The following FHIT variants were observed in gnomAD, a reference collection of about 807,000 sequenced individuals.
FHIT encodes bis(5'-adenosyl)-triphosphatase.
Under a neutral mutation model 17.9 loss-of-function variants are expected in FHIT, and 19 were observed. That is an observed-to-expected ratio of 1.06 (90% CI 0.74 to 1.56). FHIT has a LOEUF of 1.56. FHIT is among the 40% of genes most tolerant of loss of function. The pLI is 0.00. For synonymous variants in FHIT, 81 were observed against 69.7 expected (o/e 1.16, Z -0.81); for missense variants, 248 against 189.2 (o/e 1.31, Z -1.82).
intron 5 of FHIT, among the ~76,000 whole-genome samples, chr3:60,316,831 A>G (rs1709184866): frequency 2.0e-5 from 3 of 152,184 alleles, no homozygotes; most frequent in Admixed American, 2.0e-4. Context: ...CACACACTCA[A>G]TATTTTGATT....
At chr3:60,868,925 T>A (rs1704278104) in intron 3 of FHIT, among the ~76,000 whole-genome samples, 1 of 152,126 alleles carries the variant, frequency 6.6e-6, no homozygotes, top group Admixed American at 6.6e-5. Context: ...AAGAGGAGGC[T>A]TCTGAGAAAC....
At chr3:61,112,148 T>C (rs1399130585) in intron 2 of FHIT, among the ~76,000 whole-genome samples, 1 of 152,220 alleles carries the variant, frequency 6.6e-6, no homozygotes, top group East Asian at 1.9e-4. Context: ...TTAAGCAGTA[T>C]ATATTATGCA....
At chr3:60,890,621 G>A (rs1479895667) in intron 3 of FHIT, among the ~76,000 whole-genome samples, 2 of 152,200 alleles carry the variant, frequency 1.3e-5, no homozygotes, top group Non-Finnish European at 2.9e-5. Context: ...TTCTGTGCAA[G>A]TAGTCCCTCT....
intron 5 of FHIT, among the ~76,000 whole-genome samples, chr3:60,199,766 C>G (rs1297791757): frequency 3.3e-5 from 5 of 152,016 alleles, no homozygotes; most frequent in African/African-American, 1.2e-4. Flanking sequence ...CAAAAGCACT[C>G]AAGGATAAAG....
chr3:59,933,743 C>G (rs1445447891), intron 7 of FHIT, among the ~76,000 whole-genome samples: 3 of 152,128 alleles, frequency 2.0e-5, no homozygotes, highest in Admixed American at 1.3e-4. Flanking sequence ...CTCCTAAGTT[C>G]TGCTGTGGAC....
chr3:61,062,873 T>C (rs951463630), intron 2 of FHIT, among the ~76,000 whole-genome samples: 15 of 152,204 alleles, frequency 9.9e-5, no homozygotes, highest in African/African-American at 3.6e-4. Context: ...ACATAGTTGC[T>C]ATTCATCAGC....
Position 59,994,316 on chromosome 3 carries a change from G to A in FHIT, c.279+17055C>T, listed in dbSNP as rs1341241739. 5.3e-5 allele frequency among the ~76,000 whole-genome samples: 8 copies of A among 152,042 alleles called. No homozygotes were observed. The South Asian group carries it at 8.3e-4, about 16-fold the overall frequency. On this transcript the variant is annotated intron_variant, in intron 7 of 9. Transcript: ENST00000492590. ...GTAAAAAGCAGGTAACCACCAACCC[G>A]TTTAGGGAAGGTGCATAAACCTCTG...
At chr3:60,594,344 G>A (rs1435852909) in intron 4 of FHIT, among the ~76,000 whole-genome samples, 3 of 152,238 alleles carry the variant, frequency 2.0e-5, no homozygotes, top group Non-Finnish European at 4.4e-5. Flanking sequence ...AATGGACAGT[G>A]TCCAGACTAT....
chr3:61,058,641 C>T (rs1288248994), intron 2 of FHIT, among the ~76,000 whole-genome samples: 1 of 152,194 alleles, frequency 6.6e-6, no homozygotes, highest in Non-Finnish European at 1.5e-5. Flanking sequence ...TCCTCTTCAC[C>T]TTCTACCTGA....
chr3:60,698,335 C>T (rs945907796), intron 4 of FHIT, among the ~76,000 whole-genome samples: 10 of 152,004 alleles, frequency 6.6e-5, no homozygotes, highest in African/African-American at 1.9e-4. Flanking sequence ...ATAAAAGAGG[C>T]GTTTCAGGAA....
rs920653200 is a variant in FHIT, at chr3:60,150,200, T to C, written c.104-136048A>G. Among the ~76,000 whole-genome samples, 33 of 152,006 alleles carry C rather than the reference T, an allele frequency of 2.2e-4. 1 individual carries two copies. Among genetic ancestry groups the C allele is most frequent in the Non-Finnish European group, 7.4e-5 (5 of 68,024 alleles). ...TTAGTAGAGATGGGGTTTCTCCATA[T>C]TGGTCAGGCTGGTCTCGAGCTCCTG... On this transcript the variant is annotated intron_variant, in intron 5 of 9. Coordinates refer to ENST00000492590, the MANE Select transcript of FHIT (RefSeq NM_002012.4).
chr3:60,671,636 T>C (rs955244407), intron 4 of FHIT, among the ~76,000 whole-genome samples: 14 of 152,058 alleles, frequency 9.2e-5, no homozygotes, highest in Non-Finnish European at 2.1e-4. Context: ...AAGTTTTAGT[T>C]GAGTAAACAT....
chr3:61,213,278 A>C (rs1465242797), intron 1 of FHIT, among the ~76,000 whole-genome samples: 4 of 152,226 alleles, frequency 2.6e-5, no homozygotes, highest in African/African-American at 9.7e-5. Flanking sequence ...ATGCAGAGAC[A>C]AACATAGGCT....
intron 5 of FHIT, among the ~76,000 whole-genome samples, chr3:60,163,138 T>TA (rs1441547536): frequency 4.8e-5 from 2 of 41,480 alleles, no homozygotes; most frequent in African/African-American, 1.7e-4. Context: ...CACTGCCCTA[T>TA]GGCCCGTAAG....
intron 7 of FHIT, among the ~76,000 whole-genome samples, chr3:59,957,135 C>G (rs1559497533): frequency 6.6e-6 from 1 of 152,146 alleles, no homozygotes; most frequent in Non-Finnish European, 1.5e-5. Flanking sequence ...AGCCCTCATC[C>G]CCAGTACCTC....
chr3:60,337,632 G>A (rs1430319886), intron 5 of FHIT, among the ~76,000 whole-genome samples: 2 of 152,136 alleles, frequency 1.3e-5, no homozygotes, highest in African/African-American at 4.8e-5. Flanking sequence ...CTTTCATGGT[G>A]GACAAGTTAG....
rs150425236 is a variant in FHIT, at chr3:61,250,560, C to G, written c.-213+741G>C. Among the ~76,000 whole-genome samples the G allele has an allele frequency of 2.7e-4, 41 of 152,302 alleles. 1 individual carries two copies. The East Asian group carries it at 6.6e-3, about 24-fold the overall frequency. ...TTTCCCAGATAAGCGCTGTGAGTGGCTGTTCCAAGGTAACACAGCGAGGGC... is the reference window on the plus strand; with the variant it reads ...TTTCCCAGATAAGCGCTGTGAGTGGGTGTTCCAAGGTAACACAGCGAGGGC... On this transcript the variant is annotated intron_variant, in intron 1 of 9. Transcript: ENST00000492590.
At chr3:60,799,720 G>A (rs2594160) in intron 4 of FHIT, among the ~76,000 whole-genome samples, 58,374 of 151,704 alleles carry the variant, frequency 0.38, 12,961 homozygotes, top group East Asian at 0.79. Context: ...AAACATTTTC[G>A]CCTCCAAGAA....
At chr3:60,945,679 C>T (rs566136694) in intron 3 of FHIT, among the ~76,000 whole-genome samples, 19 of 152,224 alleles carry the variant, frequency 1.2e-4, no homozygotes, top group African/African-American at 4.6e-4. Context: ...ACAGTTCATG[C>T]AGAATACCAG....
Sources: allele counts gnomAD v4.1 joint callset (sites outside exome capture counted in the v4.1 genomes callset), GRCh38; gene constraint gnomAD v4.1.1; transcripts MANE v1.5; gene names NCBI Gene and HGNC (gene_info 2026-07-23, HGNC 2026-07-21).